GOLGA6L2: variants seen among roughly 807,000 people sequenced by gnomAD.
GOLGA6L2 encodes golgin subfamily A member 6-like protein 2.
In GOLGA6L2, 30 loss-of-function variants were observed where a neutral mutation model predicts 35.9. That is an observed-to-expected ratio of 0.83 (90% CI 0.62 to 1.13). The LOEUF is 1.13. Ranked by LOEUF, GOLGA6L2 falls within the 50% of genes most tolerant of loss-of-function variation. The pLI is 0.00. For synonymous variants in GOLGA6L2, 297 were observed against 344.0 expected (o/e 0.86, Z 1.51); for missense variants, 821 against 973.4 (o/e 0.84, Z 2.08).
intron 7 of GOLGA6L2, 142 bp from the exon 8 acceptor site, chr15:23,441,824 T>A: frequency 7.4e-7 from 1 of 1,358,464 alleles, no homozygotes; most frequent in Non-Finnish European, 9.7e-7. Context: ...AATTTGTAGA[T>A]TTTTAGCACA....
In GOLGA6L2 at chr15:23,444,214, T is replaced by C. The variant is rs1342915662; in HGVS notation, c.244-2A>G. On this transcript the variant is annotated splice_acceptor_variant, in intron 3 of 7. Transcript: ENST00000567107. LOFTEE classifies it high-confidence loss of function. ...ATGTTGGTGGCTTGCCTTCTTTTCC[T>C]ATAGAAAGAGGAAGACAGAGCTCTT... 1.2e-6 allele frequency: 2 copies of C among 1,604,048 alleles called. No individual in the cohort carries two copies. The highest frequency in any genetic ancestry group is 2.2e-5 in the East Asian group (1 of 44,834).
Position 23,439,833 on chromosome 15 carries a change from C to A in GOLGA6L2, c.2642G>T (p.Arg881Ile). 1.3e-6 allele frequency: 2 copies of A among 1,521,972 alleles called. No individual in the cohort carries two copies. The highest frequency in any genetic ancestry group is 1.8e-6 in the Non-Finnish European group (2 of 1,142,108). The allele number at this position is 1,521,972 out of a possible 1,614,324, so 94.3% of individuals were successfully genotyped here. ...CTCTCCTGCATCTTCTCTTTCTGAT[C>A]TCGTATCCTCTCCTCCTTCTCTCGC... is the stretch of plus-strand genomic sequence containing the variant. ...GDAREGGEDT[R>I]SEREDAGEAA... is the part of the protein sequence containing the mutation. The change falls in exon 8 of 8, where the codon AGA becomes ATA. Residue 881 changes from arginine (R) to isoleucine (I), a missense_variant. By Grantham distance (97) the Arg-to-Ile change is moderately conservative. Transcript: ENST00000567107.
rs550682273 is a variant in GOLGA6L2, at chr15:23,442,335, G to A, written c.650+115C>T. The A allele has an allele frequency of 8.4e-4, 1,077 of 1,282,076 alleles. 2 individuals are homozygous for A. The highest frequency in any genetic ancestry group is 1.8e-3 in the South Asian group (137 of 76,672). 79.4% of individuals were successfully genotyped at this position (1,282,076 alleles called of 1,614,324 possible). A position where few individuals can be genotyped will look rare whatever the true frequency, so the allele number is the denominator to read the frequency against. ...ACAGCCGGCACTAGAGCTTCCCTGTGCACACATGTAAACCTGTATGACCCC... is the reference window on the plus strand; with the variant it reads ...ACAGCCGGCACTAGAGCTTCCCTGTACACACATGTAAACCTGTATGACCCC... On this transcript the variant is annotated intron_variant, in intron 6 of 7. Transcript: ENST00000567107.
Position 23,447,100 on chromosome 15 carries a change from T to C in GOLGA6L2, c.82A>G (p.Lys28Glu). ...TGCCGCAACCCAGTGAGTTTTACCT[T>C]TTTCTTGGCCTCAGCCAATTTGTTC... ...RQNKLAEAKK[K>E]FTDYRQWNIA... Residue 28 changes from lysine to glutamate, a missense_variant and splice_region_variant, in exon 1 of 8, where the codon AAG (lysine) becomes GAG (glutamate). This residue lies in a region of GOLGA6L2 where 48 missense variants were observed against 31.7 expected (regional missense o/e 1.51). Coordinates refer to ENST00000567107, the MANE Select transcript of GOLGA6L2 (RefSeq NM_001304388.2). The C allele has an allele frequency of 1.9e-6, 3 of 1,560,106 alleles. No homozygotes were observed. The highest frequency in any genetic ancestry group is 3.6e-5 in the Admixed American group (2 of 55,600).
Position 23,439,762 on chromosome 15 carries a change from G to C in GOLGA6L2, c.2713C>G (p.Leu905Val). 1 of 1,535,456 alleles carries C rather than the reference G, an allele frequency of 6.5e-7. No homozygotes were observed. The change falls in exon 8 of 8, where the codon CTC becomes GTC. Residue 905 changes from leucine (L) to valine (V), a missense_variant. Around this residue, in one of 7 missense-constraint regions of GOLGA6L2, gnomAD observed 48 missense variants for 42.7 expected, o/e 1.12. Transcript: ENST00000567107. ...GGCTCATATTACAAAGAACTTTGGA[G>C]GGAGGGAGGCAGGGCTCTGAGCACC... ...GAVLRALPPS[L>V]QSSL
At position 23,447,160 on chromosome 15, in the gene GOLGA6L2, G is replaced by T; in HGVS notation, c.22C>A (p.Pro8Thr). The change falls in exon 1 of 8, where the codon CCT (proline) becomes ACT (threonine). Residue 8 changes from proline to threonine, a missense_variant. By Grantham distance (38) the Pro-to-Thr change is conservative (BLOSUM62 -1). Around this residue, in one of 7 missense-constraint regions of GOLGA6L2, gnomAD observed 48 missense variants for 31.7 expected, o/e 1.51. Transcript: ENST00000567107. ...TTTTCTGACATCATGGGGTGGGGAG[G>T]GAGGTGGGGTTGGGGCCACATCAGC... is the stretch of plus-strand genomic sequence containing the variant. Reference protein sequence around the residue: MWPQPHLPPHPMMSEKTR... With the variant: MWPQPHLTPHPMMSEKTR... The T allele has an allele frequency of 6.3e-7, 1 of 1,593,774 alleles. No individual in the cohort carries two copies. The highest frequency in any genetic ancestry group is 8.6e-7 in the Non-Finnish European group (1 of 1,165,232).
chr15:23,447,151 G>A lies in GOLGA6L2; in HGVS notation c.31C>T (p.Pro11Ser). Reference protein sequence around the residue: MWPQPHLPPHPMMSEKTRQNK... With the variant: MWPQPHLPPHSMMSEKTRQNK... ...TGTCTGGTTTTTTCTGACATCATGG[G>A]GTGGGGAGGGAGGTGGGGTTGGGGC... The change falls in exon 1 of 8, where the codon CCC (proline) becomes TCC (serine). Residue 11 changes from proline (P) to serine (S), a missense_variant. Pro to Ser is a moderately conservative substitution (Grantham distance 74). Around this residue, in one of 7 missense-constraint regions of GOLGA6L2, gnomAD observed 48 missense variants for 31.7 expected, o/e 1.51. Transcript: ENST00000567107. The A allele has an allele frequency of 3.1e-6, 5 of 1,600,022 alleles. No individual in the cohort carries two copies. Among genetic ancestry groups the A allele is most frequent in the East Asian group, 4.5e-5 (2 of 44,680 alleles).
At position 23,446,804 on chromosome 15, in the gene GOLGA6L2, C is replaced by G. The variant is rs188127609; in HGVS notation, c.84+294G>C. 7.6e-3 allele frequency among the ~76,000 whole-genome samples: 1,156 copies of G among 152,170 alleles called. 18 individuals are homozygous for G. The highest frequency in any genetic ancestry group is 0.026 in the African/African-American group (1,093 of 41,534). ...ACACAGGTCCTTGGAGACACAATCC[C>G]AAAGGGCCCAGGGAGGTCAGTTTTG... On this transcript the variant is annotated intron_variant, in intron 1 of 7. Coordinates refer to ENST00000567107, the MANE Select transcript of GOLGA6L2 (RefSeq NM_001304388.2).
chr15:23,444,496 T>C lies in GOLGA6L2; in HGVS notation c.218A>G (p.Gln73Arg). 1 of 1,599,822 alleles carries C rather than the reference T, an allele frequency of 6.3e-7. No homozygotes were observed. The highest frequency in any genetic ancestry group is 8.5e-7 in the Non-Finnish European group (1 of 1,179,814). The change falls in exon 3 of 8, where the codon CAA (glutamine) becomes CGA (arginine). Residue 73 changes from glutamine to arginine, a missense_variant. By Grantham distance (43) the Gln-to-Arg change is conservative. Around this residue, in one of 7 missense-constraint regions of GOLGA6L2, gnomAD observed 614 missense variants for 632.3 expected, o/e 0.97. Transcript: ENST00000567107. ...TTCTTTCAGCTGCGCTCGGTTCTGT[T>C]GTGTCTGTGGGGAGAGTCAAAGGAA... ...SEGCHSPEDT[Q>R]QNRAQLKEEK...
At chr15:23,444,405 C>CG in intron 3 of GOLGA6L2, 66 bp downstream of exon 3, 1 of 1,535,782 alleles carries the variant, frequency 6.5e-7, no homozygotes, top group East Asian at 2.2e-5. Context: ...CGAGATGAGA[C>CG]GGGCCTCTAC....
Position 23,441,158 on chromosome 15 carries a change from C to CA in GOLGA6L2, c.1316_1317insT (p.Arg440AlafsTer207), listed in dbSNP as rs2070678463. On this transcript the variant is annotated frameshift_variant, in exon 8 of 8. Coordinates refer to ENST00000567107, the MANE Select transcript of GOLGA6L2 (RefSeq NM_001304388.2). LOFTEE classifies it low-confidence loss of function (END_TRUNC). ...CTTGCATCTTCTCCTCCTGGTCCCGCGTCTTCTTCTCCTGCTCCTGCATCT... is the reference window on the plus strand; with the variant it reads ...CTTGCATCTTCTCCTCCTGGTCCCGCAGTCTTCTTCTCCTGCTCCTGCATCT... The CA allele has an allele frequency of 1.3e-6, 2 of 1,536,424 alleles. No individual in the cohort carries two copies. The highest frequency in any genetic ancestry group is 1.4e-5 in the African/African-American group (1 of 70,648).
rs1333836145 is a variant in GOLGA6L2, at chr15:23,441,470, C to T, written c.1005G>A (p.Lys335=). Residue 335 remains lysine, a synonymous_variant, in exon 8 of 8, where the codon AAG becomes AAA. Transcript: ENST00000567107. Reference sequence around the variant, plus strand: ...GCAGCTTCTTCTGCTCCCGCAGCTCCTTCTCCTGCTCCCGCAGCTCCTTCT... The same window carrying T: ...GCAGCTTCTTCTGCTCCCGCAGCTCTTTCTCCTGCTCCCGCAGCTCCTTCT... ...EQEKELREQE[K]ELREQKKLRE... is the part of the protein sequence containing the mutation. 5 of 1,413,828 alleles carry T rather than the reference C, an allele frequency of 3.5e-6. No homozygotes were observed. In the South Asian group the frequency reaches 6.6e-5, roughly 19 times the overall value. The allele number at this position is 1,413,828 out of a possible 1,614,324, so 87.6% of individuals were successfully genotyped here.
chr15:23,444,695 G>A (rs999830551), intron 2 of GOLGA6L2, among the ~76,000 whole-genome samples, 195 bp from the exon 3 acceptor site: 9 of 151,092 alleles, frequency 6.0e-5, no homozygotes, highest in Non-Finnish European at 1.0e-4. Flanking sequence ...CCTCAGCCAC[G>A]GAACTGAAAG....
In GOLGA6L2 at chr15:23,441,016, C is replaced by G. The variant is rs74565846; in HGVS notation, c.1459G>C (p.Glu487Gln). The change falls in exon 8 of 8, where the codon GAG (glutamate) becomes CAG (glutamine). Residue 487 changes from glutamate (E) to glutamine (Q), a missense_variant. Around this residue, in one of 7 missense-constraint regions of GOLGA6L2, gnomAD observed 614 missense variants for 632.3 expected, o/e 0.97. Transcript: ENST00000567107. ...EENMWEQEEK[E>Q]WQQQRLPEQK... is the part of the protein sequence containing the mutation. ...TCCGGCAGCCTCTGCTGCTGCCACT[C>G]CTTCTCTTCCTGCTCCCACATATTC... 1.8e-5 allele frequency: 26 copies of G among 1,419,050 alleles called. No homozygotes were observed. The highest frequency in any genetic ancestry group is 2.3e-5 in the Non-Finnish European group (25 of 1,079,070). 87.9% of individuals were successfully genotyped at this position (1,419,050 alleles called of 1,614,324 possible). A position where few individuals can be genotyped will look rare whatever the true frequency, so the allele number is the denominator to read the frequency against.
rs534294277 is a variant in GOLGA6L2, at chr15:23,441,152, G to A, written c.1323C>T (p.Asp441=). The A allele has an allele frequency of 6.9e-7, 1 of 1,454,554 alleles. No homozygotes were observed. Among genetic ancestry groups the A allele is most frequent in the Non-Finnish European group, 9.0e-7 (1 of 1,110,954 alleles). 90.1% of individuals were successfully genotyped at this position (1,454,554 alleles called of 1,614,324 possible). ...KMQEQEKKTR[D]QEEKMQEEER... ...CCTCCTCTTGCATCTTCTCCTCCTG[G>A]TCCCGCGTCTTCTTCTCCTGCTCCT... The change falls in exon 8 of 8, where the codon GAC becomes GAT. Residue 441 remains aspartate (D), a synonymous_variant. Transcript: ENST00000567107.
In GOLGA6L2 at chr15:23,440,620, C is replaced by T; in HGVS notation, c.1855G>A (p.Asp619Asn). ...GEEDAGAGEE[D>N]MGPGGEDARG... ...GCATCTTCTCCTCCTGGTCCCATGT[C>T]TTCTTCTCCTGCTCCTGCGTCTTCT... The change falls in exon 8 of 8, where the codon GAC becomes AAC. Residue 619 changes from aspartate (D) to asparagine (N), a missense_variant. By Grantham distance (23) the Asp-to-Asn change is conservative. Coordinates refer to ENST00000567107, the MANE Select transcript of GOLGA6L2 (RefSeq NM_001304388.2). 1 of 1,412,026 alleles carries T rather than the reference C, an allele frequency of 7.1e-7. No homozygotes were observed. Among genetic ancestry groups the T allele is most frequent in the Non-Finnish European group, 9.7e-7 (1 of 1,033,294 alleles). The allele number at this position is 1,412,026 out of a possible 1,614,324, so 87.5% of individuals were successfully genotyped here.
Position 23,441,212 on chromosome 15 carries a change from C to A in GOLGA6L2, c.1263G>T (p.Glu421Asp). The change falls in exon 8 of 8, where the codon GAG becomes GAT. Residue 421 changes from glutamate (E) to aspartate (D), a missense_variant. By Grantham distance (45) the Glu-to-Asp change is conservative. Transcript: ENST00000567107. The stretch of plus-strand genomic sequence containing the variant: ...TCTCCTCCCGCATCTTCTCCACCTG[C>A]TCCCACATCTTCTCCTGCTCCCGCA... ...ERMREQEKMWEQVEKMREEKK... is the reference protein window; with the variant it reads ...ERMREQEKMWDQVEKMREEKK... 1.9e-6 allele frequency: 3 copies of A among 1,540,056 alleles called. No individual in the cohort carries two copies. The highest frequency in any genetic ancestry group is 2.6e-6 in the Non-Finnish European group (3 of 1,146,564).
intron 2 of GOLGA6L2, 43 bp from the exon 3 acceptor site, chr15:23,444,543 G>C (rs574534665): frequency 6.3e-7 from 1 of 1,586,694 alleles, no homozygotes; most frequent in Non-Finnish European, 8.6e-7. Context: ...GTGGCCCCCT[G>C]GACTCTATTC....
chr15:23,442,293 C>A (rs12594986), intron 6 of GOLGA6L2, among the ~76,000 whole-genome samples, 157 bp downstream of exon 6: 116,444 of 151,832 alleles, frequency 0.77, 46,634 homozygotes, highest in Middle Eastern at 0.88. Flanking sequence ...CCTGAGGCTA[C>A]CCCATGAGTC....
Sources: gnomAD v4.1 joint callset for allele counts (sites outside exome capture counted in the v4.1 genomes callset) on GRCh38, gnomAD v4.1.1 for gene constraint, gnomAD v4.1.1 regional missense constraint, MANE v1.5 for transcripts, NCBI Gene and HGNC (gene_info 2026-07-23, HGNC 2026-07-21) for gene names.